PDE1A: variants seen among roughly 807,000 people sequenced by gnomAD.
PDE1A encodes the protein dual specificity calcium/calmodulin-dependent 3',5'-cyclic nucleotide phosphodiesterase 1A.
PDE1A carries 35 observed loss-of-function variants against 61.7 expected under a neutral mutation model. That is an observed-to-expected ratio of 0.57 (90% confidence interval 0.43 to 0.75). The LOEUF (loss-of-function observed/expected upper bound fraction) is 0.75, where lower values mean the gene tolerates loss of function less well. PDE1A is among the 30% of genes least tolerant of loss of function. The pLI is 0.00. For synonymous variants in PDE1A, 232 were observed against 213.2 expected, an observed-to-expected ratio of 1.09 and a Z score of -0.77; for missense variants, 597 against 630.6, an observed-to-expected ratio of 0.95 and a Z score of 0.57.
At chr2:182,327,322 A>G (rs528862281) in intron 1 of PDE1A, among the ~76,000 whole-genome samples, 9 of 152,302 alleles carry the variant, frequency 5.9e-5, no homozygotes, top group Admixed American at 2.0e-4. Context: ...TGAGTGAAAG[A>G]AAATGTAGGC....
intron 1 of PDE1A, among the ~76,000 whole-genome samples, chr2:182,374,406 C>T (rs1012139686): frequency 6.6e-6 from 1 of 151,972 alleles, no homozygotes; most frequent in African/African-American, 2.4e-5. Context: ...ATCTTTGTAA[C>T]CCCAGCACAA....
At chr2:182,446,582 T>C (rs1024328080) in intron 2 of PDE1A, among the ~76,000 whole-genome samples, 7 of 152,130 alleles carry the variant, frequency 4.6e-5, no homozygotes, top group African/African-American at 1.7e-4. Context: ...GCAAAGAGCA[T>C]GTATTCAGAT....
the PDE1A span, among the ~76,000 whole-genome samples, chr2:182,693,384 A>T: frequency 6.6e-6 from 1 of 152,154 alleles, no homozygotes; most frequent in African/African-American, 2.4e-5. Context: ...CTTTCAACAT[A>T]ACCACAATAC....
At chr2:182,609,565 G>A in the PDE1A span, among the ~76,000 whole-genome samples, 1 of 152,284 alleles carries the variant, frequency 6.6e-6, no homozygotes, top group African/African-American at 2.4e-5. Flanking sequence ...CTCCAGACGT[G>A]CCGTCTTAAG....
chr2:182,601,029 G>A, the PDE1A span, among the ~76,000 whole-genome samples: 1 of 152,222 alleles, frequency 6.6e-6, no homozygotes, highest in African/African-American at 2.4e-5. Context: ...GATCTTTGGG[G>A]TGTCACTTTT....
intron 7 of PDE1A, among the ~76,000 whole-genome samples, chr2:182,215,514 G>T: frequency 6.6e-6 from 1 of 151,474 alleles, no homozygotes; most frequent in African/African-American, 2.4e-5. Flanking sequence ...TTGACAGACC[G>T]CTAGCAAGAC....
intron 2 of PDE1A, among the ~76,000 whole-genome samples, chr2:182,478,857 G>C (rs1309257827): frequency 1.3e-5 from 2 of 151,828 alleles, no homozygotes; most frequent in Admixed American, 6.6e-5. Context: ...TATAAATCTA[G>C]CTTATGACTT....
At chr2:182,472,433 T>C (rs1459435965) in intron 2 of PDE1A, among the ~76,000 whole-genome samples, 1 of 151,904 alleles carries the variant, frequency 6.6e-6, no homozygotes, top group East Asian at 1.9e-4. Context: ...CTGGAGACCA[T>C]TATCCTAAGT....
intron 1 of PDE1A, among the ~76,000 whole-genome samples, chr2:182,362,710 T>C (rs1281664369): frequency 6.6e-6 from 1 of 152,058 alleles, no homozygotes; most frequent in Non-Finnish European, 1.5e-5. Context: ...GCAATCCCAT[T>C]ACTGGGTATA....
chr2:182,480,051 T>C (rs1387587982), intron 2 of PDE1A, among the ~76,000 whole-genome samples: 1 of 151,958 alleles, frequency 6.6e-6, no homozygotes. Context: ...AGCACCATTA[T>C]GGTGAAGAAC....
At chr2:182,423,828 A>G (rs1703432625) in intron 1 of PDE1A, among the ~76,000 whole-genome samples, 1 of 152,094 alleles carries the variant, frequency 6.6e-6, no homozygotes, top group Admixed American at 6.5e-5. Context: ...CAATCAGTGA[A>G]GGCCAGGTGA....
the PDE1A span, among the ~76,000 whole-genome samples, chr2:182,696,554 A>G: frequency 6.6e-6 from 1 of 152,216 alleles, no homozygotes; most frequent in Non-Finnish European, 1.5e-5. Flanking sequence ...TGGTGGACAT[A>G]TGTCATTATA....
intron 1 of PDE1A, among the ~76,000 whole-genome samples, chr2:182,282,374 C>T (rs1574243717): frequency 1.3e-5 from 2 of 152,052 alleles, no homozygotes; most frequent in South Asian, 4.2e-4. Flanking sequence ...TGATGTTCTG[C>T]CCTAATTTTA....
At chr2:182,590,731 T>C in the PDE1A span, among the ~76,000 whole-genome samples, 3 of 152,168 alleles carry the variant, frequency 2.0e-5, no homozygotes, top group East Asian at 1.9e-4. Flanking sequence ...TATGCAAAGA[T>C]TTCCATTAAA....
chr2:182,622,842 A>G, the PDE1A span, among the ~76,000 whole-genome samples: 1 of 152,192 alleles, frequency 6.6e-6, no homozygotes, highest in Non-Finnish European at 1.5e-5. Flanking sequence ...CACAGAGTCA[A>G]CAGCAAGAAA....
chr2:182,609,011 T>A, the PDE1A span, among the ~76,000 whole-genome samples: 1 of 152,224 alleles, frequency 6.6e-6, no homozygotes, highest in African/African-American at 2.4e-5. Context: ...ACTGGCACTC[T>A]GTCTCTAGTT....
chr2:182,593,314 AC>A, the PDE1A span, among the ~76,000 whole-genome samples: 1 of 152,222 alleles, frequency 6.6e-6, no homozygotes, highest in Non-Finnish European at 1.5e-5. Flanking sequence ...GCAAGTCTGC[AC>A]TTGAATCCAG....
chr2:182,616,176 T>C, the PDE1A span, among the ~76,000 whole-genome samples: 1 of 152,234 alleles, frequency 6.6e-6, no homozygotes, highest in Non-Finnish European at 1.5e-5. Context: ...AGAATAAGGC[T>C]TCAATCACCT....
chr2:182,545,574 T>A, the PDE1A span, among the ~76,000 whole-genome samples: 1 of 151,936 alleles, frequency 6.6e-6, no homozygotes, highest in African/African-American at 2.4e-5. Context: ...AAGTCTTAAC[T>A]GTGACTAAGT....
Sources: gnomAD v4.1 joint callset for allele counts (sites outside exome capture counted in the v4.1 genomes callset) on GRCh38, gnomAD v4.1.1 for gene constraint, MANE v1.5 for transcripts, NCBI Gene and HGNC (gene_info 2026-07-23, HGNC 2026-07-21) for gene names.